Variants in SP4 observed in about 807,000 individuals in gnomAD.
The protein encoded by SP4 is Sp4 transcription factor.
Under a neutral mutation model 72.8 loss-of-function variants are expected in SP4, and 19 were observed. That is an observed-to-expected ratio of 0.26 (90% CI 0.18 to 0.38). The LOEUF is 0.38. SP4 is among the 10% of genes least tolerant of loss of function. The probability of loss-of-function intolerance (pLI) is 1.00; values close to 1 mark genes in which losing one functional copy is unlikely to be tolerated. For synonymous variants in SP4, 395 were observed against 333.1 expected (o/e 1.19, Z -2.02); for missense variants, 1,008 against 926.3 (o/e 1.09, Z -1.14).
At chr7:21,444,536 G>A (rs940012310) in intron 3 of SP4, among the ~76,000 whole-genome samples, 2 of 152,080 alleles carry the variant, frequency 1.3e-5, no homozygotes, top group East Asian at 1.9e-4. Context: ...GAGTCTAAAC[G>A]TACTTGTACT....
chr7:21,435,532 T>C (rs1233678674), intron 3 of SP4, among the ~76,000 whole-genome samples: 1 of 152,226 alleles, frequency 6.6e-6, no homozygotes, highest in Non-Finnish European at 1.5e-5. Context: ...AATGCAAATA[T>C]GGCTTTCCTT....
rs756183659 is a variant in SP4 at position 21,429,447 on chromosome 7, A to G, written c.282A>G (p.Thr94=). ...AACCACAACAGCTAGAACTGGTAAC[A>G]ACGCAACTTGCTGGAAACGCTTGGC... is the stretch of plus-strand genomic sequence containing the variant. ...QNQPQQLELV[T]TQLAGNAWQL... The change falls in exon 3 of 6, where the codon ACA becomes ACG. Residue 94 remains threonine, a synonymous_variant. Transcript: ENST00000222584. The G allele has an allele frequency of 6.8e-6, 11 of 1,614,224 alleles. No homozygotes were observed. In the Middle Eastern group the frequency reaches 6.6e-4, roughly 97 times the overall value.
At chr7:21,471,016 G>C (rs1222452169) in intron 3 of SP4, 1 of 533,998 alleles carries the variant, frequency 1.9e-6, no homozygotes, top group East Asian at 5.4e-5. Flanking sequence ...GACCAAGGGA[G>C]ATGGAGGTTT....
Position 21,430,242 on chromosome 7 carries a change from TGAA to T in SP4, c.1081_1083del (p.Glu361del). The stretch of plus-strand genomic sequence containing the variant: ...CAGCCAGTAGTTCTGAACGCACCAT[TGAA>T]GAATCTCAAACACCTGCTGCTACTG... On this transcript the variant is annotated inframe_deletion, in exon 3 of 6. Coordinates refer to ENST00000222584, the MANE Select transcript of SP4 (RefSeq NM_003112.5). The T allele has an allele frequency of 6.2e-7, 1 of 1,614,206 alleles. No homozygotes were observed. Among genetic ancestry groups the T allele is most frequent in the Non-Finnish European group, 8.5e-7 (1 of 1,180,044 alleles).
chr7:21,475,189 A>C (rs1784464033), intron 3 of SP4, among the ~76,000 whole-genome samples: 1 of 150,710 alleles, frequency 6.6e-6, no homozygotes, highest in Non-Finnish European at 1.5e-5. Context: ...ATTTCGGCTC[A>C]CTGAAACCTC....
At chr7:21,463,909 A>T (rs1357599379) in intron 3 of SP4, among the ~76,000 whole-genome samples, 3 of 152,208 alleles carry the variant, frequency 2.0e-5, no homozygotes, top group African/African-American at 7.2e-5. Context: ...GTCTTAGTTT[A>T]GCCACTTAAA....
At position 21,478,121 on chromosome 7, in the gene SP4, A is replaced by C. The variant is rs200406361; in HGVS notation, c.1907+814A>C. 3.3e-5 allele frequency among the ~76,000 whole-genome samples: 5 copies of C among 152,190 alleles called. No homozygotes were observed. The East Asian group carries it at 7.7e-4, about 24-fold the overall frequency. On this transcript the variant is annotated intron_variant, in intron 4 of 5. Coordinates refer to ENST00000222584, the MANE Select transcript of SP4 (RefSeq NM_003112.5). ...TTTCTGGACAATTCATATAAATGGA[A>C]TCATGGTCTTTTGTGACTGGTTTCT...
intron 5 of SP4, among the ~76,000 whole-genome samples, chr7:21,493,199 G>GA (rs111403862): frequency 0.65 from 95,216 of 146,348 alleles, 31,590 homozygotes; most frequent in African/African-American, 0.79. Flanking sequence ...GATTCCATGT[G>GA]AAAAAAAAAA....
rs1782141124 is a variant in SP4 at position 21,511,454 on chromosome 7, C to G, written c.*185C>G. The G allele has an allele frequency of 7.0e-6, 4 of 570,626 alleles. No individual in the cohort carries two copies. Among genetic ancestry groups the G allele is most frequent in the Non-Finnish European group, 1.2e-5 (4 of 323,960 alleles). 35.3% of individuals were successfully genotyped at this position (570,626 alleles called of 1,614,324 possible). A position where few individuals can be genotyped will look rare whatever the true frequency, so the allele number is the denominator to read the frequency against. ...AATTTTAAAAAATACAAAAAGCAGA[C>G]TGATGTACTGGAAACAGAAAAGTAT... On this transcript the variant is annotated 3_prime_UTR_variant, in exon 6 of 6. Transcript: ENST00000222584.
intron 5 of SP4, among the ~76,000 whole-genome samples, chr7:21,506,223 C>T (rs1354446815): frequency 6.6e-6 from 1 of 152,112 alleles, no homozygotes; most frequent in East Asian, 1.9e-4. Context: ...GTTCTGTAGC[C>T]CTTGGTTGGT....
intron 3 of SP4, among the ~76,000 whole-genome samples, chr7:21,460,230 A>G (rs1199511406): frequency 6.6e-6 from 1 of 152,212 alleles, no homozygotes; most frequent in Non-Finnish European, 1.5e-5. Flanking sequence ...AACAGTTCTT[A>G]AAGGCGGCAT....
chr7:21,487,062 A>G (rs1474243208), intron 5 of SP4, among the ~76,000 whole-genome samples: 1 of 152,106 alleles, frequency 6.6e-6, no homozygotes, highest in Non-Finnish European at 1.5e-5. Flanking sequence ...TATTTATGCA[A>G]TCATTTATTT....
chr7:21,459,876 G>C (rs1046394821), intron 3 of SP4, among the ~76,000 whole-genome samples: 9 of 152,186 alleles, frequency 5.9e-5, no homozygotes, highest in African/African-American at 2.2e-4. Flanking sequence ...AAAGGTAGAA[G>C]CCTTTGCCTT....
At chr7:21,482,803 T>G in intron 5 of SP4, 1 of 964,322 alleles carries the variant, frequency 1.0e-6, no homozygotes, top group Middle Eastern at 5.4e-4. Context: ...ATTTCACTTG[T>G]TTTGAGATCT....
intron 5 of SP4, among the ~76,000 whole-genome samples, chr7:21,497,990 C>G (rs1169221518): frequency 6.6e-6 from 1 of 152,036 alleles, no homozygotes; most frequent in Non-Finnish European, 1.5e-5. Flanking sequence ...ATTATCTAAA[C>G]CTCCTTAAGT....
At chr7:21,454,063 T>C (rs1783681847) in intron 3 of SP4, among the ~76,000 whole-genome samples, 1 of 152,224 alleles carries the variant, frequency 6.6e-6, no homozygotes, top group Non-Finnish European at 1.5e-5. Context: ...AAGTACATGT[T>C]ACATGGTTAA....
intron 3 of SP4, among the ~76,000 whole-genome samples, chr7:21,451,268 G>T (rs1783591771): frequency 6.6e-6 from 1 of 152,182 alleles, no homozygotes; most frequent in Non-Finnish European, 1.5e-5. Context: ...GCTGCTGATT[G>T]CCAGCTTCAG....
intron 4 of SP4, among the ~76,000 whole-genome samples, chr7:21,481,214 AG>A (rs1161622250): frequency 1.3e-5 from 2 of 152,188 alleles, no homozygotes; most frequent in Non-Finnish European, 2.9e-5. Context: ...ACAGGCAACC[AG>A]GGGTAAGATA....
At chr7:21,494,091 A>G (rs1785047147) in intron 5 of SP4, among the ~76,000 whole-genome samples, 1 of 152,198 alleles carries the variant, frequency 6.6e-6, no homozygotes, top group Non-Finnish European at 1.5e-5. Context: ...TTCTGCATAT[A>G]TTTCTGTAAA....
Sources: allele counts gnomAD v4.1 joint callset (sites outside exome capture counted in the v4.1 genomes callset), GRCh38; gene constraint gnomAD v4.1.1; transcripts MANE v1.5; gene names NCBI Gene and HGNC (gene_info 2026-07-23, HGNC 2026-07-21).